Variants in ERICH6B observed in about 807,000 individuals in gnomAD.
ERICH6B encodes the protein glutamate rich 6B, also known as glutamate-rich protein 6B.
A neutral mutation model predicts 80.0 loss-of-function variants in ERICH6B; 69 were observed. The ratio of observed to expected loss-of-function variants is 0.86; its 90% CI spans 0.71 to 1.05. The LOEUF (loss-of-function observed/expected upper bound fraction) is 1.05. ERICH6B is among the 50% of genes least tolerant of loss of function. The pLI is 0.00. For synonymous variants in ERICH6B, 283 were observed against 291.9 expected, an observed-to-expected ratio of 0.97 and a Z score of 0.31; for missense variants, 754 against 796.1, an observed-to-expected ratio of 0.95 and a Z score of 0.64.
At chr13:45,562,598 G>A (rs1356456968) in intron 10 of ERICH6B, among the ~76,000 whole-genome samples, 1 of 152,138 alleles carries the variant, frequency 6.6e-6, no homozygotes, top group Non-Finnish European at 1.5e-5. Flanking sequence ...CTACTTAAGG[G>A]GATGTCAGTT....
intron 11 of ERICH6B, among the ~76,000 whole-genome samples, chr13:45,556,342 C>T (rs1874436370): frequency 6.6e-6 from 1 of 152,070 alleles, no homozygotes; most frequent in African/African-American, 2.4e-5. Flanking sequence ...TTTTAAATTC[C>T]CACCTTAATG....
chr13:45,603,323 C>A (rs906973089), intron 2 of ERICH6B, among the ~76,000 whole-genome samples: 1 of 152,212 alleles, frequency 6.6e-6, no homozygotes, highest in African/African-American at 2.4e-5. Context: ...AATGAGCCTC[C>A]CTTAGTTCAG....
intron 2 of ERICH6B, among the ~76,000 whole-genome samples, chr13:45,602,785 T>C (rs1242411976): frequency 1.3e-5 from 2 of 152,194 alleles, no homozygotes; most frequent in African/African-American, 4.8e-5. Flanking sequence ...ATCTCATCTC[T>C]TCTCATCCCT....
chr13:45,559,223 T>C (rs186505513), intron 11 of ERICH6B, among the ~76,000 whole-genome samples: 156 of 152,318 alleles, frequency 1.0e-3, no homozygotes, highest in African/African-American at 3.7e-3. Context: ...AATGATCTTC[T>C]GTATTTCTGT....
intron 3 of ERICH6B, among the ~76,000 whole-genome samples, chr13:45,593,487 A>G (rs1166548393): frequency 6.6e-6 from 1 of 152,162 alleles, no homozygotes; most frequent in African/African-American, 2.4e-5. Flanking sequence ...TTTCTTAATG[A>G]TTTACCCAAT....
intron 6 of ERICH6B, 141 bp from the exon 7 acceptor site, chr13:45,580,115 T>C: frequency 1.4e-6 from 1 of 692,190 alleles, no homozygotes. Context: ...TGTTTTGGGA[T>C]AAAAGCCTTC....
intron 8 of ERICH6B, 35 bp downstream of exon 8, chr13:45,574,807 C>G: frequency 6.8e-7 from 1 of 1,472,410 alleles, no homozygotes; most frequent in South Asian, 1.2e-5. Flanking sequence ...TTGGAGGAAG[C>G]TGGGGGGGGG....
chr13:45,598,961 G>A (rs535202230), intron 2 of ERICH6B, among the ~76,000 whole-genome samples: 2 of 152,292 alleles, frequency 1.3e-5, no homozygotes, highest in East Asian at 3.9e-4. Context: ...TCTCTAGCAG[G>A]CTGACCAAGG....
intron 4 of ERICH6B, among the ~76,000 whole-genome samples, chr13:45,590,034 G>C (rs376492508): frequency 2.4e-4 from 36 of 152,124 alleles, no homozygotes; most frequent in Non-Finnish European, 4.1e-4. Context: ...AACTGGTCCC[G>C]TGCTTTTTTT....
At chr13:45,610,771 T>G (rs1949894993) in intron 1 of ERICH6B, among the ~76,000 whole-genome samples, 1 of 152,106 alleles carries the variant, frequency 6.6e-6, no homozygotes, top group Admixed American at 6.6e-5. Flanking sequence ...AATATGGTAT[T>G]ATAATCTTAT....
At chr13:45,543,203 G>A (rs1302564749) in intron 14 of ERICH6B, among the ~76,000 whole-genome samples, 1 of 151,978 alleles carries the variant, frequency 6.6e-6, no homozygotes, top group African/African-American at 2.4e-5. Flanking sequence ...GGGAGCCAAG[G>A]ACACCCTCAT....
intron 7 of ERICH6B, among the ~76,000 whole-genome samples, chr13:45,577,309 G>T (rs1433095063): frequency 1.6e-5 from 2 of 122,656 alleles, no homozygotes; most frequent in African/African-American, 3.4e-5. Context: ...TTTTGAGACG[G>T]AGTATCGCTC....
chr13:45,588,887 T>G (rs1435341489), intron 4 of ERICH6B, among the ~76,000 whole-genome samples: 4 of 152,160 alleles, frequency 2.6e-5, no homozygotes, highest in Admixed American at 2.6e-4. Flanking sequence ...CATTGGATCC[T>G]GGATGCTGGG....
chr13:45,585,971 C>T (rs1377078010), intron 5 of ERICH6B, among the ~76,000 whole-genome samples: 2 of 152,180 alleles, frequency 1.3e-5, no homozygotes, highest in Non-Finnish European at 2.9e-5. Context: ...TCTCCCACAT[C>T]CTCTCAAGCT....
chr13:45,547,363 G>C (rs1874034504), intron 13 of ERICH6B, among the ~76,000 whole-genome samples: 1 of 152,128 alleles, frequency 6.6e-6, no homozygotes, highest in South Asian at 2.1e-4. Context: ...AGATGGGCAG[G>C]CTGGTGGGTT....
Position 45,567,432 on chromosome 13 carries a change from G to T in ERICH6B, c.1187+883C>A, listed in dbSNP as rs139513963. On this transcript the variant is annotated intron_variant, in intron 9 of 14. Transcript: ENST00000298738. ...TCTTGAATTCCCACGTGTTGTGAGAGGGACCCAGTGGGAGGTAATTGAATC... is the reference window on the plus strand; with the variant it reads ...TCTTGAATTCCCACGTGTTGTGAGATGGACCCAGTGGGAGGTAATTGAATC... Among the ~76,000 whole-genome samples the T allele has an allele frequency of 7.3e-3, 1,118 of 152,244 alleles. 12 individuals are homozygous for T. The highest frequency in any genetic ancestry group is 0.025 in the African/African-American group (1,041 of 41,524).
chr13:45,582,239 G>C (rs142988619), intron 5 of ERICH6B, among the ~76,000 whole-genome samples: 1 of 152,288 alleles, frequency 6.6e-6, no homozygotes, highest in South Asian at 2.1e-4. Context: ...AACTGAACGC[G>C]CCATTCCAGG....
chr13:45,544,853 G>A lies in ERICH6B; in HGVS notation c.1779C>T (p.Tyr593=), dbSNP rs1163444248. 5 of 1,551,702 alleles carry A rather than the reference G, an allele frequency of 3.2e-6. No homozygotes were observed. Among genetic ancestry groups the A allele is most frequent in the Non-Finnish European group, 4.4e-6 (5 of 1,146,972 alleles). Residue 593 remains tyrosine, a synonymous_variant, in exon 14 of 15, where the codon TAC becomes TAT. Coordinates refer to ENST00000298738, the MANE Select transcript of ERICH6B (RefSeq NM_182542.3). ...CCTGGCTCCTTATTTGTACCTGGAT[G>A]TACTCATTGATTTTCAAGGAGATGG... is the stretch of plus-strand genomic sequence containing the variant. ...VQPISLKINE[Y]IQVQIRSQDK...
chr13:45,581,373 C>T (rs1875659400), intron 5 of ERICH6B, among the ~76,000 whole-genome samples: 2 of 152,264 alleles, frequency 1.3e-5, no homozygotes, highest in African/African-American at 4.8e-5. Context: ...ACATACACAT[C>T]CTACATTCCA....
Sources: gnomAD v4.1 joint callset for allele counts (sites outside exome capture counted in the v4.1 genomes callset) on GRCh38, gnomAD v4.1.1 for gene constraint, MANE v1.5 for transcripts, NCBI Gene and HGNC (gene_info 2026-07-23, HGNC 2026-07-21) for gene names.